The following CTNNA3 variants were observed in gnomAD, a reference collection of about 807,000 sequenced individuals.
The protein encoded by CTNNA3 is catenin alpha-3.
In CTNNA3, 76 loss-of-function variants were observed where a neutral mutation model predicts 95.7. That is an observed-to-expected ratio of 0.79 (90% CI 0.66 to 0.96). The LOEUF (loss-of-function observed/expected upper bound fraction) is 0.96, where lower values mean the gene tolerates loss of function less well. Among genes scored for constraint, CTNNA3 ranks in the 40% least tolerant of loss-of-function variants. The pLI is 0.00. For missense variants in CTNNA3, 1,191 were observed against 1,089.8 expected (o/e 1.09, Z -1.31); for synonymous variants, 431 against 374.4 (o/e 1.15, Z -1.74).
At chr10:67,521,572 G>C (rs1226240272) in intron 5 of CTNNA3, among the ~76,000 whole-genome samples, 1 of 151,946 alleles carries the variant, frequency 6.6e-6, no homozygotes, top group Non-Finnish European at 1.5e-5. Context: ...TAGTCAAAGG[G>C]TAGTTGGATT....
chr10:67,700,895 A>G (rs985161015), upstream of CTNNA3, among the ~76,000 whole-genome samples: 2 of 152,322 alleles, frequency 1.3e-5, no homozygotes, highest in Non-Finnish European at 2.9e-5. Context: ...TTAGACGAAT[A>G]TATAACTAGA....
chr10:66,838,950 C>A (rs1842963390), intron 7 of CTNNA3, among the ~76,000 whole-genome samples: 1 of 152,152 alleles, frequency 6.6e-6, no homozygotes, highest in Non-Finnish European at 1.5e-5. Context: ...AAGCCTATCA[C>A]TATTTCATTC....
At chr10:66,615,132 G>A (rs1844465161) in intron 10 of CTNNA3, among the ~76,000 whole-genome samples, 1 of 151,880 alleles carries the variant, frequency 6.6e-6, no homozygotes, top group Admixed American at 6.6e-5. Context: ...ATGGGCCCAG[G>A]ACTCAGCATG....
chr10:66,503,813 T>A (rs1840358056), intron 11 of CTNNA3, among the ~76,000 whole-genome samples: 1 of 152,142 alleles, frequency 6.6e-6, no homozygotes, highest in African/African-American at 2.4e-5. Flanking sequence ...AAGAGAAAAT[T>A]CACTATCTTC....
chr10:66,903,108 C>T (rs920150240), intron 7 of CTNNA3, among the ~76,000 whole-genome samples: 7 of 152,128 alleles, frequency 4.6e-5, no homozygotes, highest in African/African-American at 1.7e-4. Flanking sequence ...CCCTGAAGAA[C>T]ACCGATGCAA....
At chr10:67,318,066 T>C (rs1421085312) in intron 5 of CTNNA3, among the ~76,000 whole-genome samples, 1 of 152,126 alleles carries the variant, frequency 6.6e-6, no homozygotes, top group African/African-American at 2.4e-5. Flanking sequence ...AGACATTTAA[T>C]TGAATTATCA....
chr10:66,975,850 T>C (rs1850000714), intron 7 of CTNNA3, among the ~76,000 whole-genome samples: 1 of 152,236 alleles, frequency 6.6e-6, no homozygotes, highest in African/African-American at 2.4e-5. Context: ...CTTGTCATTT[T>C]CTATCTGACC....
In CTNNA3 at chr10:67,503,715, T is replaced by C. The variant is rs557063396; in HGVS notation, c.579+18127A>G. Reference sequence around the variant, plus strand: ...AGGGTGATAACATCTATTCCATATATGCCAACATTCTTAGATATTCTCAAC... The same window carrying C: ...AGGGTGATAACATCTATTCCATATACGCCAACATTCTTAGATATTCTCAAC... On this transcript the variant is annotated intron_variant, in intron 5 of 17. Coordinates refer to ENST00000433211, the MANE Select transcript of CTNNA3 (RefSeq NM_013266.4). Among the ~76,000 whole-genome samples the C allele has an allele frequency of 2.1e-3, 314 of 152,296 alleles. 2 individuals are homozygous for C. Among genetic ancestry groups the C allele is most frequent in the African/African-American group, 7.3e-3 (303 of 41,560 alleles).
At position 67,104,741 on chromosome 10, in the gene CTNNA3, A is replaced by G. The variant is rs188289890; in HGVS notation, c.1047+75576T>C. On this transcript the variant is annotated intron_variant, in intron 7 of 17. Transcript: ENST00000433211. ...TGAACATATAGCATCCATGAAAAACATACTTCTATAATACACACAGCATTC... is the reference window on the plus strand; with the variant it reads ...TGAACATATAGCATCCATGAAAAACGTACTTCTATAATACACACAGCATTC... Among the ~76,000 whole-genome samples the G allele has an allele frequency of 4.4e-3, 673 of 152,128 alleles. 1 individual carries two copies. Among genetic ancestry groups the G allele is most frequent in the African/African-American group, 0.015 (633 of 41,552 alleles).
intron 15 of CTNNA3, among the ~76,000 whole-genome samples, chr10:66,011,708 T>C (rs1564576732): frequency 1.3e-5 from 2 of 152,320 alleles, no homozygotes; most frequent in African/African-American, 4.8e-5. Flanking sequence ...ATTTATACTA[T>C]TCCAGTTTGC....
At chr10:66,547,403 C>T (rs1034215978) in intron 10 of CTNNA3, among the ~76,000 whole-genome samples, 3 of 119,236 alleles carry the variant, frequency 2.5e-5, no homozygotes, top group Middle Eastern at 6.8e-3. Context: ...AGTCCAGTGG[C>T]CCATTCTTGG....
At chr10:66,690,863 G>T (rs1847500813) in intron 9 of CTNNA3, among the ~76,000 whole-genome samples, 1 of 152,142 alleles carries the variant, frequency 6.6e-6, no homozygotes, top group Non-Finnish European at 1.5e-5. Context: ...GGGTCAAATG[G>T]TATTTCTAGT....
At chr10:67,179,924 T>C (rs1002879987) in intron 7 of CTNNA3, among the ~76,000 whole-genome samples, 9 of 152,184 alleles carry the variant, frequency 5.9e-5, no homozygotes, top group African/African-American at 1.9e-4. Flanking sequence ...ATCACTGTTA[T>C]TGGATACTAA....
At chr10:67,120,547 TGAAAA>T in intron 7 of CTNNA3, among the ~76,000 whole-genome samples, 1 of 152,022 alleles carries the variant, frequency 6.6e-6, no homozygotes, top group African/African-American at 2.4e-5. Context: ...CCCTCTGAAA[TGAAAA>T]GAAATTTCTG....
rs148621391 is a variant in CTNNA3, at chr10:66,852,663, C to T, written c.1048-77139G>A. Among the ~76,000 whole-genome samples the T allele has an allele frequency of 3.0e-4, 46 of 152,192 alleles. No homozygotes were observed. The East Asian group carries it at 7.7e-3, about 26-fold the overall frequency. On this transcript the variant is annotated intron_variant, in intron 7 of 17. Coordinates refer to ENST00000433211, the MANE Select transcript of CTNNA3 (RefSeq NM_013266.4). ...ATTAATCTTGCAGAATATACTGTGGCATATTTTCTAACACATATACTCAAT... is the reference window on the plus strand; with the variant it reads ...ATTAATCTTGCAGAATATACTGTGGTATATTTTCTAACACATATACTCAAT...
At chr10:67,503,978 A>T (rs1032464609) in intron 5 of CTNNA3, among the ~76,000 whole-genome samples, 9 of 151,420 alleles carry the variant, frequency 5.9e-5, no homozygotes, top group Non-Finnish European at 1.2e-4. Context: ...TAACATGGTG[A>T]AACCCCGTCT....
At chr10:67,413,266 C>T (rs1210355232) in intron 5 of CTNNA3, among the ~76,000 whole-genome samples, 1 of 152,140 alleles carries the variant, frequency 6.6e-6, no homozygotes. Flanking sequence ...CTTCATGTTT[C>T]ATCATTCATT....
chr10:66,644,478 T>TAG (rs1317183319), intron 9 of CTNNA3, among the ~76,000 whole-genome samples: 2 of 77,604 alleles, frequency 2.6e-5, no homozygotes, highest in African/African-American at 6.6e-5. Context: ...TATATGTTTA[T>TAG]ATATATATAT....
intron 5 of CTNNA3, among the ~76,000 whole-genome samples, chr10:67,248,472 G>C (rs1865987069): frequency 0.017 from 1 of 58 alleles, no homozygotes; most frequent in Non-Finnish European, 0.038. Flanking sequence ...TGGAGTGCAG[G>C]TGGCACAATT....
Sources: allele counts gnomAD v4.1 joint callset (sites outside exome capture counted in the v4.1 genomes callset), GRCh38; gene constraint gnomAD v4.1.1; transcripts MANE v1.5; gene names NCBI Gene and HGNC (gene_info 2026-07-23, HGNC 2026-07-21).